KIAA0753: variants seen among roughly 807,000 people sequenced by gnomAD.
KIAA0753 encodes protein moonraker.
KIAA0753 carries 114 observed loss-of-function variants against 116.9 expected under a neutral mutation model. That is an observed-to-expected ratio of 0.98 (90% CI 0.84 to 1.14). KIAA0753 has a LOEUF of 1.14. KIAA0753 is among the 50% of genes most tolerant of loss of function. KIAA0753 has a pLI of 0.00. For synonymous variants in KIAA0753, 405 were observed against 413.1 expected (o/e 0.98, Z 0.24); for missense variants, 1,156 against 1,172.4 (o/e 0.99, Z 0.20).
chr17:6,600,693 T>A (rs1969806988), intron 12 of KIAA0753, among the ~76,000 whole-genome samples: 1 of 152,138 alleles, frequency 6.6e-6, no homozygotes, highest in Admixed American at 6.5e-5. Flanking sequence ...GACAGTGCTG[T>A]TCCTAGGCCT....
intron 7 of KIAA0753, among the ~76,000 whole-genome samples, chr17:6,615,004 G>A (rs1487958990): frequency 3.3e-5 from 5 of 152,086 alleles, no homozygotes; most frequent in Non-Finnish European, 7.4e-5. Flanking sequence ...TCACCATGTT[G>A]GCCAGGCTGG....
intron 15 of KIAA0753, among the ~76,000 whole-genome samples, chr17:6,595,412 G>A (rs1969394004): frequency 6.6e-6 from 1 of 152,104 alleles, no homozygotes. Flanking sequence ...ACTGTTTTGA[G>A]CACCCCGGGC....
intron 6 of KIAA0753, 47 bp from the exon 7 acceptor site, chr17:6,621,045 T>C: frequency 5.1e-6 from 8 of 1,568,896 alleles, no homozygotes; most frequent in Non-Finnish European, 7.0e-6. Context: ...CTCGCAAAAG[T>C]ATGACTTTTA....
chr17:6,599,190 T>C, intron 14 of KIAA0753, 47 bp downstream of exon 14: 2 of 1,272,090 alleles, frequency 1.6e-6, no homozygotes, highest in Non-Finnish European at 1.2e-6. Flanking sequence ...CAACTAAAGA[T>C]GTTATCAAGC....
chr17:6,630,807 T>C (rs1034056909), intron 2 of KIAA0753, among the ~76,000 whole-genome samples: 2 of 152,206 alleles, frequency 1.3e-5, no homozygotes, highest in African/African-American at 2.4e-5. Context: ...TGGAATATAT[T>C]GTTCAGCAGA....
At chr17:6,589,549 T>C (rs1052502221) in intron 18 of KIAA0753, among the ~76,000 whole-genome samples, 3 of 147,770 alleles carry the variant, frequency 2.0e-5, no homozygotes, top group Non-Finnish European at 4.4e-5. Context: ...ACCCTCTGCC[T>C]AGAAAAAGAA....
In KIAA0753 at chr17:6,608,394, G is replaced by A. The variant is rs771622791; in HGVS notation, c.1783C>T (p.Gln595Ter). Residue 595 changes from glutamine to a stop codon, truncating the protein, a stop_gained, in exon 10 of 19, where the codon CAA becomes TAA. Transcript: ENST00000361413. LOFTEE classifies it high-confidence loss of function. ...GCACCTGTCAGGTGACTTTCCTCTT[G>A]AGGATCTTCTTGCTGGAGAGGCTCT... The part of the protein sequence containing the change: ...TKEPLQQEDP[Q>*]EESHLTGAVE... The A allele has an allele frequency of 7.0e-6, 11 of 1,561,630 alleles. No homozygotes were observed. Among genetic ancestry groups the A allele is most frequent in the Non-Finnish European group, 9.6e-6 (11 of 1,148,920 alleles).
chr17:6,608,699 G>A (rs1302145672), intron 9 of KIAA0753, among the ~76,000 whole-genome samples: 3 of 152,178 alleles, frequency 2.0e-5, no homozygotes, highest in Admixed American at 2.0e-4. Flanking sequence ...TTTTAAATGA[G>A]AAACAGTGAT....
At chr17:6,618,604 G>A (rs1022458466) in intron 7 of KIAA0753, among the ~76,000 whole-genome samples, 1 of 152,314 alleles carries the variant, frequency 6.6e-6, no homozygotes, top group Non-Finnish European at 1.5e-5. Flanking sequence ...TGGTGTCAGA[G>A]GTGAAGTATT....
At position 6,590,538 on chromosome 17, in the gene KIAA0753, T is replaced by G; in HGVS notation, c.2533A>C (p.Ile845Leu). 6.2e-7 allele frequency: 1 copy of G among 1,614,100 alleles called. No homozygotes were observed. Among genetic ancestry groups the G allele is most frequent in the Non-Finnish European group, 8.5e-7 (1 of 1,179,950 alleles). ...CCATTACAGGGCCTTTCTAACATGA[T>G]GTTCACGGCTGGATCCTTGCGATCC... is the stretch of plus-strand genomic sequence containing the variant. Reference protein sequence around the residue: ...TVDRKDPAVNIMLERPCNGNS... With the variant: ...TVDRKDPAVNLMLERPCNGNS... The change falls in exon 17 of 19, where the codon ATC becomes CTC. Residue 845 changes from isoleucine (I) to leucine (L), a missense_variant. By Grantham distance (5) the Ile-to-Leu change is conservative. Coordinates refer to ENST00000361413, the MANE Select transcript of KIAA0753 (RefSeq NM_014804.3).
chr17:6,621,179 CTG>C (rs1490442250), intron 6 of KIAA0753, among the ~76,000 whole-genome samples, 181 bp from the exon 7 acceptor site: 1 of 152,198 alleles, frequency 6.6e-6, no homozygotes, highest in Non-Finnish European at 1.5e-5. Context: ...GTAACAATTT[CTG>C]TGAGTACTTT....
At chr17:6,594,473 C>T (rs1178854929) in intron 16 of KIAA0753, among the ~76,000 whole-genome samples, 3 of 152,160 alleles carry the variant, frequency 2.0e-5, no homozygotes, top group African/African-American at 7.2e-5. Context: ...AAAGAGTACA[C>T]ACCGTATGAC....
At chr17:6,635,209 G>T in intron 1 of KIAA0753, 38 bp from the exon 2 acceptor site, 2 of 798,746 alleles carry the variant, frequency 2.5e-6, no homozygotes, top group Non-Finnish European at 4.3e-6. Context: ...CAACAGCGTT[G>T]AACAAGGGAA....
At chr17:6,607,524 G>C (rs753570825) in intron 10 of KIAA0753, among the ~76,000 whole-genome samples, 2 of 152,150 alleles carry the variant, frequency 1.3e-5, no homozygotes, top group Non-Finnish European at 2.9e-5. Context: ...CTATCACTCA[G>C]ACTTGGGGTT....
chr17:6,606,848 T>G, intron 12 of KIAA0753, 25 bp downstream of exon 12: 1 of 1,596,540 alleles, frequency 6.3e-7, no homozygotes, highest in South Asian at 1.1e-5. Flanking sequence ...ACATCCACTA[T>G]TCTTCCTAAG....
chr17:6,629,188 A>C (rs1002222477), intron 2 of KIAA0753, among the ~76,000 whole-genome samples: 1 of 152,174 alleles, frequency 6.6e-6, no homozygotes, highest in Non-Finnish European at 1.5e-5. Flanking sequence ...CTGAGACTTC[A>C]TTTGGTGGCT....
At chr17:6,640,459 A>ACCCCC (rs1378213533) in intron 1 of KIAA0753, 178 bp downstream of exon 1, 8 of 58,140 alleles carry the variant, frequency 1.4e-4, no homozygotes, top group Admixed American at 1.8e-4. Context: ...CACCCATCCC[A>ACCCCC]CCCCCGCCCA....
chr17:6,615,263 G>A (rs1970812568), intron 7 of KIAA0753, among the ~76,000 whole-genome samples: 2 of 152,006 alleles, frequency 1.3e-5, no homozygotes. Flanking sequence ...TATCCATGCT[G>A]TAGACGCTCC....
intron 3 of KIAA0753, among the ~76,000 whole-genome samples, chr17:6,626,933 A>C (rs916337122): frequency 2.0e-5 from 3 of 152,178 alleles, no homozygotes; most frequent in African/African-American, 7.2e-5. Flanking sequence ...AGGGCTTCCA[A>C]TCAAAGTAGG....
Sources: gnomAD v4.1 joint callset for allele counts (sites outside exome capture counted in the v4.1 genomes callset) on GRCh38, gnomAD v4.1.1 for gene constraint, MANE v1.5 for transcripts, NCBI Gene and HGNC (gene_info 2026-07-23, HGNC 2026-07-21) for gene names.